Variants in GPC5 observed in about 807,000 individuals in gnomAD.
GPC5 encodes the protein glypican-5.
GPC5 carries 47 observed loss-of-function variants against 53.9 expected under a neutral mutation model. The observed-to-expected ratio is 0.87, with a 90% CI of 0.69 to 1.11. The LOEUF is 1.11. Ranked by LOEUF, GPC5 falls within the 50% of genes most tolerant of loss-of-function variation. GPC5 has a pLI of 0.00. For synonymous variants in GPC5, 286 were observed against 263.3 expected (o/e 1.09, Z -0.84); for missense variants, 748 against 713.1 (o/e 1.05, Z -0.56).
At chr13:91,532,468 G>T (rs1339913660) in intron 2 of GPC5, among the ~76,000 whole-genome samples, 1 of 152,080 alleles carries the variant, frequency 6.6e-6, no homozygotes, top group African/African-American at 2.4e-5. Context: ...CATGGATCTT[G>T]GTATATCCAT....
intron 5 of GPC5, among the ~76,000 whole-genome samples, chr13:91,855,325 A>C (rs1361049813): frequency 6.6e-6 from 1 of 151,642 alleles, no homozygotes; most frequent in Non-Finnish European, 1.5e-5. Context: ...TAAGCAACGA[A>C]ATTTTGTTTA....
At chr13:91,627,004 A>ATTTTT (rs1215877558) in intron 2 of GPC5, among the ~76,000 whole-genome samples, 1 of 4,878 alleles carries the variant, frequency 2.1e-4, no homozygotes, top group Non-Finnish European at 2.6e-4. Context: ...TGAACTCATC[A>ATTTTT]TTTTTTTTTT....
At chr13:92,148,716 G>C (rs1380975587) in intron 7 of GPC5, among the ~76,000 whole-genome samples, 1 of 152,010 alleles carries the variant, frequency 6.6e-6, no homozygotes, top group Non-Finnish European at 1.5e-5. Flanking sequence ...CCTGACACCT[G>C]CCATTCTTTC....
At chr13:91,865,681 TAAACA>T (rs2039075842) in intron 5 of GPC5, among the ~76,000 whole-genome samples, 1 of 152,188 alleles carries the variant, frequency 6.6e-6, no homozygotes. Context: ...GCTACTCATT[TAAACA>T]ATTTTGCTTT....
chr13:91,418,994 G>C (rs1245271721), intron 1 of GPC5, among the ~76,000 whole-genome samples: 1 of 151,976 alleles, frequency 6.6e-6, no homozygotes, highest in Admixed American at 6.6e-5. Flanking sequence ...TTGCATTCAT[G>C]ATAATTTGAA....
At chr13:92,396,119 C>T (rs1214499202) in intron 7 of GPC5, among the ~76,000 whole-genome samples, 5 of 151,916 alleles carry the variant, frequency 3.3e-5, no homozygotes, top group Admixed American at 3.3e-4. Flanking sequence ...TCCCCCAGTT[C>T]TTGGATATTC....
chr13:92,547,379 C>T (rs1194784273), intron 7 of GPC5, among the ~76,000 whole-genome samples: 1 of 152,118 alleles, frequency 6.6e-6, no homozygotes, highest in African/African-American at 2.4e-5. Context: ...AAATTTTCTG[C>T]TATTCACAAA....
Position 91,572,063 on chromosome 13 carries a change from A to G in GPC5, c.326-121124A>G, listed in dbSNP as rs1279929240. On this transcript the variant is annotated intron_variant, in intron 2 of 7. Transcript: ENST00000377067. ...TATATACACACATATGTATATATAC[A>G]TGTATATACACACATATGTATATGT... 2.8e-3 allele frequency among the ~76,000 whole-genome samples: 359 copies of G among 129,798 alleles called. 48 individuals carry two copies. The highest frequency in any genetic ancestry group is 0.013 in the African/African-American group (321 of 24,926). The allele number at this position is 129,798 out of a possible 152,430, so 85.2% of individuals were successfully genotyped here.
intron 6 of GPC5, among the ~76,000 whole-genome samples, chr13:92,126,418 A>C (rs565370177): frequency 6.6e-6 from 1 of 152,292 alleles, no homozygotes; most frequent in East Asian, 1.9e-4. Flanking sequence ...CATAGGACAA[A>C]TTATTTAAGT....
chr13:92,827,573 C>T (rs1489397081), intron 7 of GPC5, among the ~76,000 whole-genome samples: 2 of 152,124 alleles, frequency 1.3e-5, no homozygotes, highest in African/African-American at 4.8e-5. Flanking sequence ...ATTTCTCTGG[C>T]TCCATTTGCA....
chr13:92,384,635 C>T (rs985586002), intron 7 of GPC5, among the ~76,000 whole-genome samples: 1 of 151,990 alleles, frequency 6.6e-6, no homozygotes, highest in African/African-American at 2.4e-5. Flanking sequence ...AGAATGTAAA[C>T]CTTGAGATTG....
chr13:92,729,429 A>G (rs1313852492), intron 7 of GPC5, among the ~76,000 whole-genome samples: 1 of 151,462 alleles, frequency 6.6e-6, no homozygotes, highest in Non-Finnish European at 1.5e-5. Context: ...AATAAAAAGG[A>G]ACCTATAACA....
At chr13:92,190,450 C>T (rs1247520710) in intron 7 of GPC5, among the ~76,000 whole-genome samples, 1 of 152,030 alleles carries the variant, frequency 6.6e-6, no homozygotes, top group Non-Finnish European at 1.5e-5. Context: ...TTCTTCGTTG[C>T]AGTAATACAT....
chr13:91,695,175 G>A (rs1413217028), intron 3 of GPC5, among the ~76,000 whole-genome samples: 7 of 151,952 alleles, frequency 4.6e-5, no homozygotes, highest in Non-Finnish European at 8.8e-5. Context: ...ACAATTAACC[G>A]GGTTCTCAAC....
chr13:92,250,647 C>T (rs1326017900), intron 7 of GPC5, among the ~76,000 whole-genome samples: 2 of 152,008 alleles, frequency 1.3e-5, no homozygotes, highest in African/African-American at 2.4e-5. Flanking sequence ...AAAATTATTA[C>T]TTTTGACACA....
chr13:92,635,341 CAG>C (rs1245751137), intron 7 of GPC5, among the ~76,000 whole-genome samples: 18 of 152,194 alleles, frequency 1.2e-4, no homozygotes, highest in Admixed American at 7.9e-4. Context: ...ATTTAAAAAA[CAG>C]AAATTTATTG....
At chr13:92,673,737 T>C (rs561155208) in intron 7 of GPC5, among the ~76,000 whole-genome samples, 1 of 152,298 alleles carries the variant, frequency 6.6e-6, no homozygotes, top group Admixed American at 6.5e-5. Context: ...ATTTATTAAT[T>C]CTTCTAAAAT....
At chr13:91,963,751 A>T (rs1454888174) in intron 6 of GPC5, among the ~76,000 whole-genome samples, 1 of 152,136 alleles carries the variant, frequency 6.6e-6, no homozygotes, top group African/African-American at 2.4e-5. Context: ...AATAAATAAA[A>T]CACAGATAAT....
chr13:92,235,657 G>A (rs1480682521), intron 7 of GPC5, among the ~76,000 whole-genome samples: 5 of 152,038 alleles, frequency 3.3e-5, no homozygotes, highest in Non-Finnish European at 5.9e-5. Context: ...AAATGATTAG[G>A]AATGATAAGT....
Sources: gnomAD v4.1 joint callset for allele counts (sites outside exome capture counted in the v4.1 genomes callset) on GRCh38, gnomAD v4.1.1 for gene constraint, MANE v1.5 for transcripts, NCBI Gene and HGNC (gene_info 2026-07-23, HGNC 2026-07-21) for gene names.